The following GRAP2 variants were observed in gnomAD, a reference collection of about 807,000 sequenced individuals.
GRAP2 encodes GRB2 related adaptor protein 2, also known as GRB2-related adapter protein 2.
In GRAP2, 31 loss-of-function variants were observed where a neutral mutation model predicts 43.5. That is an observed-to-expected ratio of 0.71 (90% CI 0.54 to 0.96). The LOEUF (loss-of-function observed/expected upper bound fraction) is 0.96, where lower values mean the gene tolerates loss of function less well. Ranked by LOEUF, GRAP2 falls within the 40% of genes least tolerant of loss-of-function variation. GRAP2 has a pLI of 0.00. For missense variants in GRAP2, 371 were observed against 424.4 expected, an observed-to-expected ratio of 0.87 and a Z score of 1.11; for synonymous variants, 156 against 164.8, an observed-to-expected ratio of 0.95 and a Z score of 0.41.
rs1304269329 is a variant in GRAP2, at chr22:39,937,702, T to C, written c.-14-9391T>C. On this transcript the variant is annotated intron_variant, in intron 1 of 7. Transcript: ENST00000344138. Reference sequence around the variant, plus strand: ...GACTAAGGATTATTATCTGCATTTCTGGTGAAGAAACTGAGGCACAGAGAA... The same window carrying C: ...GACTAAGGATTATTATCTGCATTTCCGGTGAAGAAACTGAGGCACAGAGAA... 2.6e-5 allele frequency among the ~76,000 whole-genome samples: 4 copies of C among 152,174 alleles called. No homozygotes were observed. The East Asian group carries it at 7.7e-4, about 29-fold the overall frequency.
chr22:39,953,649 G>C (rs1291645648), intron 2 of GRAP2, among the ~76,000 whole-genome samples: 1 of 152,102 alleles, frequency 6.6e-6, no homozygotes, highest in Non-Finnish European at 1.5e-5. Context: ...TCTCTCTGTT[G>C]TCCAGGCTGT....
At chr22:39,925,966 C>G (rs887474330) in intron 1 of GRAP2, among the ~76,000 whole-genome samples, 6 of 152,176 alleles carry the variant, frequency 3.9e-5, no homozygotes, top group Admixed American at 3.3e-4. Flanking sequence ...TTAGGTGGAC[C>G]AAGCTTCCTC....
chr22:39,905,932 A>G (rs916206392), intron 1 of GRAP2, among the ~76,000 whole-genome samples: 13 of 152,216 alleles, frequency 8.5e-5, no homozygotes, highest in Non-Finnish European at 1.9e-4. Flanking sequence ...ACCCAAACAC[A>G]TTTAAGGTTT....
At chr22:39,913,533 G>A (rs2066582390) in intron 1 of GRAP2, among the ~76,000 whole-genome samples, 1 of 152,144 alleles carries the variant, frequency 6.6e-6, no homozygotes, top group African/African-American at 2.4e-5. Context: ...CAACTAGAGT[G>A]AGCTTCTTAA....
At chr22:39,899,986 C>CA (rs959013488), upstream of GRAP2, among the ~76,000 whole-genome samples, 73 of 138,306 alleles carry the variant, frequency 5.3e-4, no homozygotes, top group Middle Eastern at 3.7e-3. Context: ...AACTCCGTCT[C>CA]AAAAAAAAAA....
At chr22:39,966,205 C>A (rs1438257934) in intron 5 of GRAP2, 47 bp downstream of exon 5, 1 of 1,513,558 alleles carries the variant, frequency 6.6e-7, no homozygotes, top group South Asian at 1.1e-5. Context: ...TTTAGGCAGC[C>A]TGAGTTCTCA....
At chr22:39,960,282 G>C in intron 4 of GRAP2, 108 bp downstream of exon 4, 1 of 1,080,634 alleles carries the variant, frequency 9.3e-7, no homozygotes, top group Non-Finnish European at 1.4e-6. Flanking sequence ...TCAGAAGCAT[G>C]GTGGCCTAGG....
intron 1 of GRAP2, among the ~76,000 whole-genome samples, chr22:39,927,369 C>G (rs2066714614): frequency 6.6e-6 from 1 of 152,170 alleles, no homozygotes; most frequent in Non-Finnish European, 1.5e-5. Context: ...TTGAAAGACC[C>G]TGAAAAAACA....
chr22:39,910,570 G>A (rs937148737), intron 1 of GRAP2, among the ~76,000 whole-genome samples: 7 of 151,500 alleles, frequency 4.6e-5, no homozygotes, highest in Non-Finnish European at 8.8e-5. Flanking sequence ...CACCACGCCC[G>A]GCTAATTTTT....
intron 1 of GRAP2, among the ~76,000 whole-genome samples, chr22:39,920,249 T>A (rs752019019): frequency 3.3e-5 from 5 of 152,216 alleles, no homozygotes; most frequent in Non-Finnish European, 7.3e-5. Context: ...TCCAGCATAT[T>A]CTTGCAGAGT....
chr22:39,951,168 G>A (rs555378190), intron 2 of GRAP2, among the ~76,000 whole-genome samples: 27 of 152,230 alleles, frequency 1.8e-4, no homozygotes, highest in Admixed American at 3.3e-4. Context: ...ACAGGAAAAC[G>A]CTGCCAAATG....
Position 39,968,148 on chromosome 22 carries a change from AC to A in GRAP2, c.572del (p.Pro191ArgfsTer49). Reference sequence around the variant, plus strand: ...TCGATGAACCGGAAGCTGTCGGATCACCCCCCGACCCTTCCCCTGCAGCAGC... The same window carrying A: ...TCGATGAACCGGAAGCTGTCGGATCACCCCCGACCCTTCCCCTGCAGCAGC... ...RPSMNRKLSD[H>X]PPTLPLQQHQ... On this transcript the variant is annotated frameshift_variant, in exon 6 of 8. Transcript: ENST00000344138. LOFTEE classifies it high-confidence loss of function. 6.3e-7 allele frequency: 1 copy of A among 1,598,384 alleles called. No individual in the cohort carries two copies. Among genetic ancestry groups the A allele is most frequent in the South Asian group, 1.1e-5 (1 of 89,418 alleles).
intron 1 of GRAP2, among the ~76,000 whole-genome samples, chr22:39,913,610 A>C (rs2066582915): frequency 6.6e-6 from 1 of 152,188 alleles, no homozygotes; most frequent in Non-Finnish European, 1.5e-5. Flanking sequence ...AGAAGGGGTC[A>C]AGGGCTCCCA....
intron 2 of GRAP2, among the ~76,000 whole-genome samples, chr22:39,955,281 C>T (rs1181777374): frequency 6.6e-6 from 1 of 152,076 alleles, no homozygotes; most frequent in Non-Finnish European, 1.5e-5. Flanking sequence ...TCGCTTGAAC[C>T]CAGGAGGTGG....
chr22:39,926,840 G>A, intron 1 of GRAP2: 1 of 984,644 alleles, frequency 1.0e-6, no homozygotes, highest in Non-Finnish European at 1.2e-6. Flanking sequence ...GTATTGTCTG[G>A]CTGACATAAT....
At chr22:39,918,277 C>G (rs1444603787) in intron 1 of GRAP2, among the ~76,000 whole-genome samples, 1 of 152,178 alleles carries the variant, frequency 6.6e-6, no homozygotes, top group African/African-American at 2.4e-5. Context: ...AGTTTGGCAC[C>G]AATCCCAACT....
chr22:39,939,779 T>A (rs934617044), intron 1 of GRAP2, among the ~76,000 whole-genome samples: 10 of 151,886 alleles, frequency 6.6e-5, no homozygotes, highest in African/African-American at 2.2e-4. Flanking sequence ...CGTGGTGGGC[T>A]GTACCTGTAA....
chr22:39,912,802 A>T (rs1443326514), intron 1 of GRAP2, among the ~76,000 whole-genome samples: 1 of 152,148 alleles, frequency 6.6e-6, no homozygotes, highest in African/African-American at 2.4e-5. Flanking sequence ...TGGGGTTGTG[A>T]GTGGCAGGGA....
chr22:39,969,991 G>T (rs2067221466), intron 7 of GRAP2, among the ~76,000 whole-genome samples: 1 of 152,196 alleles, frequency 6.6e-6, no homozygotes, highest in Admixed American at 6.5e-5. Context: ...GAGGCCTGGG[G>T]CTGAGCCAGC....
Sources: allele counts gnomAD v4.1 joint callset (sites outside exome capture counted in the v4.1 genomes callset), GRCh38; gene constraint gnomAD v4.1.1; transcripts MANE v1.5; gene names NCBI Gene and HGNC (gene_info 2026-07-23, HGNC 2026-07-21).